GFRA1: variants seen among roughly 807,000 people sequenced by gnomAD.
GFRA1 encodes GDNF family receptor alpha-1.
Under a neutral mutation model 51.6 loss-of-function variants are expected in GFRA1, and 16 were observed. The ratio of observed to expected loss-of-function variants is 0.31; its 90% CI spans 0.21 to 0.47. The LOEUF is 0.47. Among genes scored for constraint, GFRA1 ranks in the 20% least tolerant of loss-of-function variants. GFRA1 has a pLI of 1.00. For missense variants in GFRA1, 530 were observed against 594.3 expected (o/e 0.89, Z 1.13); for synonymous variants, 270 against 241.3 (o/e 1.12, Z -1.10).
At chr10:116,252,822 T>C (rs566802789) in intron 4 of GFRA1, among the ~76,000 whole-genome samples, 1 of 152,278 alleles carries the variant, frequency 6.6e-6, no homozygotes, top group South Asian at 2.1e-4. Context: ...GCACAGCAGA[T>C]ACTGTCTACA....
At chr10:116,171,507 A>G (rs189696572) in intron 5 of GFRA1, among the ~76,000 whole-genome samples, 1 of 152,350 alleles carries the variant, frequency 6.6e-6, no homozygotes, top group African/African-American at 2.4e-5. Flanking sequence ...TAGTTATTAA[A>G]TTGAAAATGG....
chr10:116,240,476 A>G (rs1200951016), intron 4 of GFRA1, among the ~76,000 whole-genome samples: 1 of 152,204 alleles, frequency 6.6e-6, no homozygotes, highest in Non-Finnish European at 1.5e-5. Flanking sequence ...TTTTCTAGAG[A>G]TGGATTTCTT....
intron 5 of GFRA1, among the ~76,000 whole-genome samples, chr10:116,207,398 A>G (rs1964862507): frequency 6.6e-6 from 1 of 152,228 alleles, no homozygotes; most frequent in Admixed American, 6.5e-5. Context: ...GCTTCTCTAG[A>G]AAATCCTGGC....
chr10:116,268,489 A>G (rs1969846335), intron 4 of GFRA1, among the ~76,000 whole-genome samples: 1 of 152,236 alleles, frequency 6.6e-6, no homozygotes, highest in South Asian at 2.1e-4. Context: ...TAGGTGCTCA[A>G]TGGATGTTTG....
At chr10:116,167,491 C>T (rs1342062007) in intron 5 of GFRA1, among the ~76,000 whole-genome samples, 2 of 152,142 alleles carry the variant, frequency 1.3e-5, no homozygotes, top group East Asian at 3.9e-4. Context: ...GTTAAAATCC[C>T]TGTGGATTGG....
intron 5 of GFRA1, among the ~76,000 whole-genome samples, chr10:116,165,257 G>GT (rs1447775069): frequency 7.2e-5 from 11 of 152,164 alleles, no homozygotes; most frequent in African/African-American, 2.7e-4. Context: ...CATGGAGATG[G>GT]TGTGGCGACA....
chr10:116,084,356 C>T (rs1955993034), intron 9 of GFRA1, among the ~76,000 whole-genome samples: 1 of 152,242 alleles, frequency 6.6e-6, no homozygotes, highest in African/African-American at 2.4e-5. Context: ...AGATCTGTCA[C>T]ACTGGTCCTC....
At chr10:116,242,154 T>G (rs201217275) in intron 4 of GFRA1, among the ~76,000 whole-genome samples, 1 of 127,108 alleles carries the variant, frequency 7.9e-6, no homozygotes, top group East Asian at 2.3e-4. Flanking sequence ...TTCATCTCTC[T>G]ATTCTTGTTT....
At chr10:116,128,673 C>G (rs1957973810) in intron 5 of GFRA1, among the ~76,000 whole-genome samples, 1 of 143,204 alleles carries the variant, frequency 7.0e-6, no homozygotes, top group South Asian at 2.2e-4. Flanking sequence ...TTGCAGTGAG[C>G]CAAGACTGCG....
At position 116,233,757 on chromosome 10, in the gene GFRA1, G is replaced by A. The variant is rs1176192971; in HGVS notation, c.419-22112C>T. ...CAACTGGCTTATTCTTTCCAAACTG[G>A]GCGATGTAAATACTTTGCCTGATTC... On this transcript the variant is annotated intron_variant, in intron 4 of 10. Transcript: ENST00000355422. Among the ~76,000 whole-genome samples, 10 of 152,124 alleles carry A rather than the reference G, an allele frequency of 6.6e-5. No homozygotes were observed. In the East Asian group the frequency reaches 1.9e-3, roughly 29 times the overall value.
chr10:116,176,312 A>G (rs1370486168), intron 5 of GFRA1, among the ~76,000 whole-genome samples: 1 of 152,182 alleles, frequency 6.6e-6, no homozygotes, highest in African/African-American at 2.4e-5. Context: ...TCCATCTTTC[A>G]CTTCTTGACA....
At chr10:116,269,625 CAT>C (rs1969942279) in intron 3 of GFRA1, 39 bp from the exon 4 acceptor site, 1 of 1,234,796 alleles carries the variant, frequency 8.1e-7, no homozygotes, top group East Asian at 2.3e-5. Flanking sequence ...ATCAGAAAAA[CAT>C]ATATTTCAAG....
rs529619899 is a variant in GFRA1, at chr10:116,124,679, G to A, written c.770+542C>T. Among the ~76,000 whole-genome samples, 4 of 152,302 alleles carry A rather than the reference G, an allele frequency of 2.6e-5. No homozygotes were observed. The South Asian group carries it at 8.3e-4, about 32-fold the overall frequency. On this transcript the variant is annotated intron_variant, in intron 6 of 10. Coordinates refer to ENST00000355422, the MANE Select transcript of GFRA1 (RefSeq NM_005264.8). ...AGGTTTCTGGTGGAGGCTGAGATCTGGGAGATGAGCTAAGTGGGAAGGTGA... is the reference window on the plus strand; with the variant it reads ...AGGTTTCTGGTGGAGGCTGAGATCTAGGAGATGAGCTAAGTGGGAAGGTGA...
chr10:116,148,329 C>A (rs931968299), intron 5 of GFRA1, among the ~76,000 whole-genome samples: 4 of 152,098 alleles, frequency 2.6e-5, no homozygotes, highest in Admixed American at 2.6e-4. Flanking sequence ...CCCAGAACTT[C>A]TTCCCATAGC....
At chr10:116,242,545 G>A (rs745828670) in intron 4 of GFRA1, among the ~76,000 whole-genome samples, 4 of 151,578 alleles carry the variant, frequency 2.6e-5, no homozygotes, top group African/African-American at 4.9e-5. Flanking sequence ...GCAGTGGTGC[G>A]GTCTTGGCTC....
chr10:116,217,256 C>A (rs1419716004), intron 4 of GFRA1, among the ~76,000 whole-genome samples: 1 of 152,156 alleles, frequency 6.6e-6, no homozygotes, highest in East Asian at 1.9e-4. Flanking sequence ...CAACCCCTTA[C>A]CAAGTGGACA....
intron 4 of GFRA1, among the ~76,000 whole-genome samples, chr10:116,254,072 G>A (rs1968609778): frequency 6.6e-6 from 1 of 152,114 alleles, no homozygotes; most frequent in Non-Finnish European, 1.5e-5. Context: ...TGTAATCCCA[G>A]TACTTTGGGA....
At chr10:116,085,199 T>C (rs956496782) in intron 9 of GFRA1, among the ~76,000 whole-genome samples, 2 of 152,240 alleles carry the variant, frequency 1.3e-5, no homozygotes, top group African/African-American at 2.4e-5. Context: ...CAAACAGAAC[T>C]GCGTTTGGTT....
rs1404425687 is a variant in GFRA1, at chr10:116,196,679, AATATATAGTACTATATATAATATATATT to A, written c.433+14924_433+14951del. Among the ~76,000 whole-genome samples, 77 of 41,910 alleles carry A rather than the reference AATATATAGTACTATATATAATATATATT, an allele frequency of 1.8e-3. 10 individuals carry two copies. Among genetic ancestry groups the A allele is most frequent in the Admixed American group, 3.2e-3 (8 of 2,468 alleles). The allele number at this position is 41,910 out of a possible 152,430, so 27.5% of individuals were successfully genotyped here. ...ATATAGTACTATATATAATATATAT[AATATATAGTACTATATATAATATATATT>A]ATATATAGTACTATATATAATATAT... is the stretch of plus-strand genomic sequence containing the variant. On this transcript the variant is annotated intron_variant, in intron 5 of 10. Coordinates refer to ENST00000355422, the MANE Select transcript of GFRA1 (RefSeq NM_005264.8).
Sources: gnomAD v4.1 joint callset for allele counts (sites outside exome capture counted in the v4.1 genomes callset) on GRCh38, gnomAD v4.1.1 for gene constraint, MANE v1.5 for transcripts, NCBI Gene and HGNC (gene_info 2026-07-23, HGNC 2026-07-21) for gene names.